The following CTNNA3 variants were observed in gnomAD, a reference collection of about 807,000 sequenced individuals.
The protein encoded by CTNNA3 is catenin alpha-3.
A neutral mutation model predicts 95.7 loss-of-function variants in CTNNA3; 76 were observed. That is an observed-to-expected ratio of 0.79 (90% CI 0.66 to 0.96). The LOEUF is 0.96. Ranked by LOEUF, CTNNA3 falls within the 40% of genes least tolerant of loss-of-function variation. The pLI is 0.00. For synonymous variants in CTNNA3, 431 were observed against 374.4 expected (o/e 1.15, Z -1.74); for missense variants, 1,191 against 1,089.8 (o/e 1.09, Z -1.31).
At chr10:67,219,581 C>A (rs1390156264) in intron 6 of CTNNA3, 26 bp downstream of exon 6, 4 of 1,597,340 alleles carry the variant, frequency 2.5e-6, no homozygotes, top group Non-Finnish European at 3.4e-6. Flanking sequence ...GACATCAGAT[C>A]ACACTTTATC....
chr10:66,661,738 G>C (rs1036130621), intron 9 of CTNNA3, among the ~76,000 whole-genome samples: 4 of 152,086 alleles, frequency 2.6e-5, no homozygotes, highest in Non-Finnish European at 4.4e-5. Context: ...TAGCCTGAAG[G>C]TTGTTGATGC....
intron 5 of CTNNA3, among the ~76,000 whole-genome samples, chr10:67,308,952 G>C (rs1263665693): frequency 1.3e-5 from 2 of 152,104 alleles, no homozygotes; most frequent in Non-Finnish European, 2.9e-5. Flanking sequence ...CTCTTGGTCT[G>C]AAGTGACTTT....
chr10:66,619,119 T>G (rs1456562730), intron 10 of CTNNA3, among the ~76,000 whole-genome samples: 2 of 151,160 alleles, frequency 1.3e-5, no homozygotes, highest in African/African-American at 4.9e-5. Context: ...GGTGGGACTG[T>G]AAACTAGTTC....
At chr10:67,744,234 A>G (rs1841360454) in intron 1 of CTNNA3, among the ~76,000 whole-genome samples, 1 of 151,220 alleles carries the variant, frequency 6.6e-6, no homozygotes, top group South Asian at 2.1e-4. Context: ...GAGGCATCAC[A>G]CTACCTGACT....
chr10:67,277,609 G>A (rs1168943195), intron 5 of CTNNA3, among the ~76,000 whole-genome samples: 2 of 152,032 alleles, frequency 1.3e-5, no homozygotes, highest in Admixed American at 6.6e-5. Flanking sequence ...AGGATGAGAT[G>A]GGAAGTCGGC....
chr10:67,698,092 G>C (rs1841001755), upstream of CTNNA3, among the ~76,000 whole-genome samples: 1 of 152,140 alleles, frequency 6.6e-6, no homozygotes, highest in Non-Finnish European at 1.5e-5. Flanking sequence ...TTTCACAGTA[G>C]TTCTTTCTTG....
At chr10:66,441,164 C>T (rs1332902583) in intron 11 of CTNNA3, among the ~76,000 whole-genome samples, 1 of 152,092 alleles carries the variant, frequency 6.6e-6, no homozygotes, top group Admixed American at 6.6e-5. Flanking sequence ...AAGACCCTGT[C>T]TTTACAAAAT....
intron 7 of CTNNA3, among the ~76,000 whole-genome samples, chr10:66,939,233 A>G (rs1847876501): frequency 1.3e-5 from 2 of 152,302 alleles, no homozygotes; most frequent in African/African-American, 4.8e-5. Flanking sequence ...GAACTGAAGC[A>G]TCTTCCCTTT....
At chr10:67,591,556 G>T (rs1842787437) in intron 3 of CTNNA3, among the ~76,000 whole-genome samples, 1 of 152,064 alleles carries the variant, frequency 6.6e-6, no homozygotes, top group African/African-American at 2.4e-5. Flanking sequence ...GATTGAAACA[G>T]TTGGATTCAA....
chr10:67,652,919 T>G (rs1409583596), intron 1 of CTNNA3, among the ~76,000 whole-genome samples: 2 of 152,246 alleles, frequency 1.3e-5, no homozygotes, highest in Non-Finnish European at 2.9e-5. Flanking sequence ...CAACTTTACT[T>G]TTCCTAGTTT....
intron 7 of CTNNA3, among the ~76,000 whole-genome samples, chr10:66,881,472 C>G (rs563065379): frequency 1.3e-5 from 2 of 152,174 alleles, no homozygotes; most frequent in East Asian, 3.9e-4. Flanking sequence ...CTACAAAGGC[C>G]TTGGCTTCAG....
intron 12 of CTNNA3, among the ~76,000 whole-genome samples, chr10:66,302,719 T>C (rs1057236072): frequency 2.0e-5 from 3 of 152,094 alleles, no homozygotes; most frequent in South Asian, 2.1e-4. Context: ...TGTACTATCA[T>C]TGAATCTCTT....
At position 66,775,456 on chromosome 10, in the gene CTNNA3, G is replaced by A. The variant is rs752434472; in HGVS notation, c.1116C>T (p.Asp372=). ...ALDNMCKKTR[D]LRRQLRKAII... is the part of the protein sequence containing the mutation. ...TCTCTTCCCTCACCTGTCTGCGAAG[G>A]TCTCTTGTCTTCTTACACATGTTGT... The change falls in exon 8 of 18, where the codon GAC becomes GAT. Residue 372 remains aspartate, a synonymous_variant. Coordinates refer to ENST00000433211, the MANE Select transcript of CTNNA3 (RefSeq NM_013266.4). 1.2e-6 allele frequency: 2 copies of A among 1,609,228 alleles called. No individual in the cohort carries two copies. Among genetic ancestry groups the A allele is most frequent in the South Asian group, 1.1e-5 (1 of 90,338 alleles).
intron 6 of CTNNA3, among the ~76,000 whole-genome samples, chr10:67,193,879 G>T (rs1429424337): frequency 6.6e-6 from 1 of 151,926 alleles, no homozygotes; most frequent in African/African-American, 2.4e-5. Flanking sequence ...AGGTATTGAG[G>T]AATTGACACA....
At chr10:66,814,266 G>GAAAAAAAA (rs71035182) in intron 7 of CTNNA3, among the ~76,000 whole-genome samples, 2 of 137,094 alleles carry the variant, frequency 1.5e-5, no homozygotes, top group Non-Finnish European at 3.2e-5. Flanking sequence ...AAGGAGGAAA[G>GAAAAAAAA]AAAAAAAAAA....
rs2077009152 is a variant in CTNNA3, at chr10:65,916,428, T to C, written c.*3902A>G. 1 of 152,134 alleles carries C rather than the reference T, an allele frequency of 6.6e-6. No homozygotes were observed. The highest frequency in any genetic ancestry group is 1.5e-5 in the Non-Finnish European group (1 of 68,028). The allele number at this position is 152,134 out of a possible 1,614,324, so 9.4% of individuals were successfully genotyped here. A position where few individuals can be genotyped will look rare whatever the true frequency, so the allele number is the denominator to read the frequency against. ...TGAAAGTGAAAGAGGCTGTTTATTCTGCAATGAGTTCACAAGAGAATGGTG... is the reference window on the plus strand; with the variant it reads ...TGAAAGTGAAAGAGGCTGTTTATTCCGCAATGAGTTCACAAGAGAATGGTG... On this transcript the variant is annotated 3_prime_UTR_variant, in exon 18 of 18. Coordinates refer to ENST00000433211, the MANE Select transcript of CTNNA3 (RefSeq NM_013266.4).
At chr10:67,573,188 T>C (rs1339837298) in intron 3 of CTNNA3, among the ~76,000 whole-genome samples, 3 of 152,162 alleles carry the variant, frequency 2.0e-5, no homozygotes, top group East Asian at 1.9e-4. Context: ...AATTGGTGTA[T>C]AGACAATGAT....
intron 7 of CTNNA3, among the ~76,000 whole-genome samples, chr10:67,092,263 CTG>C (rs1857688724): frequency 6.6e-6 from 1 of 151,710 alleles, no homozygotes; most frequent in Admixed American, 6.6e-5. Context: ...AAGATTTCCC[CTG>C]TGATATATGA....
intron 1 of CTNNA3, among the ~76,000 whole-genome samples, chr10:67,727,249 TATATA>T (rs201906758): frequency 0.12 from 15,377 of 128,646 alleles, 1,391 homozygotes; most frequent in African/African-American, 0.26. Context: ...TACATATAAA[TATATA>T]ATATATGTAA....
Sources: gnomAD v4.1 joint callset for allele counts (sites outside exome capture counted in the v4.1 genomes callset) on GRCh38, gnomAD v4.1.1 for gene constraint, MANE v1.5 for transcripts, NCBI Gene and HGNC (gene_info 2026-07-23, HGNC 2026-07-21) for gene names.